RARB: variants seen among roughly 807,000 people sequenced by gnomAD.
The protein encoded by RARB is retinoic acid receptor beta, also known as HBV-activated protein.
RARB carries 17 observed loss-of-function variants against 51.9 expected under a neutral mutation model. That is an observed-to-expected ratio of 0.33 (90% CI 0.22 to 0.49). The LOEUF is 0.49. Among genes scored for constraint, RARB ranks in the 20% least tolerant of loss-of-function variants. RARB has a pLI of 0.99. For synonymous variants in RARB, 215 were observed against 195.4 expected, an observed-to-expected ratio of 1.10 and a Z score of -0.84; for missense variants, 369 against 550.8, an observed-to-expected ratio of 0.67 and a Z score of 3.30.
In RARB at chr3:25,125,993, A is replaced by AC. The variant is rs1437458923; in HGVS notation, c.-327-6167dup. Among the ~76,000 whole-genome samples the AC allele has an allele frequency of 2.6e-5, 4 of 152,232 alleles. No homozygotes were observed. The East Asian group carries it at 5.8e-4, about 22-fold the overall frequency. On this transcript the variant is annotated intron_variant, in intron 3 of 11. Transcript: ENST00000383772. The stretch of plus-strand genomic sequence containing the variant: ...GGCCTTCACAGTGAGGTTCCCCTGA[A>AC]CTCAAGTAAGAAATTAGCTCTGTAT...
At chr3:25,132,949 A>G (rs1221571858) in intron 4 of RARB, among the ~76,000 whole-genome samples, 1 of 139,946 alleles carries the variant, frequency 7.1e-6, no homozygotes, top group Non-Finnish European at 1.6e-5. Context: ...GATGCTATCT[A>G]TGCCATGGTA....
At chr3:25,237,601 T>C (rs1431139210) in intron 5 of RARB, among the ~76,000 whole-genome samples, 1 of 152,162 alleles carries the variant, frequency 6.6e-6, no homozygotes, top group Admixed American at 6.5e-5. Context: ...AGTTATATAT[T>C]ATAAAGTTCA....
At chr3:24,936,218 T>G (rs1011548844) in intron 2 of RARB, among the ~76,000 whole-genome samples, 9 of 152,124 alleles carry the variant, frequency 5.9e-5, no homozygotes, top group African/African-American at 2.2e-4. Context: ...ATCATAATTT[T>G]GAGATGTGTG....
At chr3:25,092,378 C>T (rs1553632220) in intron 3 of RARB, among the ~76,000 whole-genome samples, 1 of 151,662 alleles carries the variant, frequency 6.6e-6, no homozygotes, top group Admixed American at 6.6e-5. Flanking sequence ...TAAAACAAAA[C>T]AAAAAAACCT....
At chr3:25,160,135 T>A (rs1700450081) in intron 4 of RARB, among the ~76,000 whole-genome samples, 1 of 152,236 alleles carries the variant, frequency 6.6e-6, no homozygotes, top group South Asian at 2.1e-4. Flanking sequence ...CTCCATCATA[T>A]CTATTTGAAA....
chr3:24,912,908 A>AT (rs1429999134), intron 2 of RARB, among the ~76,000 whole-genome samples: 1 of 147,908 alleles, frequency 6.8e-6, no homozygotes, highest in Non-Finnish European at 1.5e-5. Context: ...CCATACAGGT[A>AT]TGTTGTCTCT....
At chr3:25,042,736 C>T (rs1338370733) in intron 2 of RARB, among the ~76,000 whole-genome samples, 1 of 152,178 alleles carries the variant, frequency 6.6e-6, no homozygotes, top group Non-Finnish European at 1.5e-5. Flanking sequence ...ATGTGAGCTC[C>T]AGCATCCTGT....
chr3:25,411,332 GA>G (rs1453445494), intron 5 of RARB, among the ~76,000 whole-genome samples: 1 of 152,140 alleles, frequency 6.6e-6, no homozygotes, highest in Non-Finnish European at 1.5e-5. Context: ...GTGATTTTAT[GA>G]AATGATAAAA....
At chr3:25,211,472 G>A (rs1701696500) in intron 5 of RARB, among the ~76,000 whole-genome samples, 1 of 152,134 alleles carries the variant, frequency 6.6e-6, no homozygotes, top group Non-Finnish European at 1.5e-5. Flanking sequence ...TATTGCAAAA[G>A]CATTATAGTC....
At chr3:24,952,615 T>A (rs748439754) in intron 2 of RARB, among the ~76,000 whole-genome samples, 3 of 152,146 alleles carry the variant, frequency 2.0e-5, no homozygotes, top group Non-Finnish European at 4.4e-5. Flanking sequence ...TCTAGCTTGG[T>A]GCGTGGCACA....
intron 5 of RARB, among the ~76,000 whole-genome samples, chr3:25,186,438 C>G (rs1700975875): frequency 2.0e-5 from 3 of 152,118 alleles, no homozygotes; most frequent in African/African-American, 7.2e-5. Flanking sequence ...AACAATTTTA[C>G]CTCTATGTAT....
chr3:25,397,035 C>T (rs1344783926), intron 5 of RARB, among the ~76,000 whole-genome samples: 1 of 152,166 alleles, frequency 6.6e-6, no homozygotes, highest in Non-Finnish European at 1.5e-5. Flanking sequence ...CGCATATCTG[C>T]ACTTCCCATT....
At chr3:25,363,927 A>C (rs1023422057) in intron 5 of RARB, among the ~76,000 whole-genome samples, 3 of 151,990 alleles carry the variant, frequency 2.0e-5, no homozygotes, top group African/African-American at 4.8e-5. Context: ...CACTGGCTCA[A>C]ATGTTCTCTC....
At chr3:25,277,401 G>T (rs1012259842) in intron 5 of RARB, among the ~76,000 whole-genome samples, 1 of 152,160 alleles carries the variant, frequency 6.6e-6, no homozygotes, top group African/African-American at 2.4e-5. Context: ...CTGCTCACTT[G>T]CAGAAGTGGA....
chr3:25,191,268 A>G (rs757845744), intron 5 of RARB, among the ~76,000 whole-genome samples: 1 of 152,092 alleles, frequency 6.6e-6, no homozygotes, highest in Non-Finnish European at 1.5e-5. Context: ...TTGTGGGACA[A>G]TATTATTCCC....
At chr3:25,561,599 G>A (rs1015476670) in intron 3 of RARB, among the ~76,000 whole-genome samples, 9 of 151,878 alleles carry the variant, frequency 5.9e-5, no homozygotes, top group African/African-American at 2.2e-4. Flanking sequence ...GAACAACTGG[G>A]CTGTCCTCTT....
rs1167076440 is a variant in RARB at position 25,597,415 on chromosome 3, T to TAA, written c.*806_*807dup. 2.1e-5 allele frequency: 3 copies of TAA among 145,094 alleles called. No individual in the cohort carries two copies. Among genetic ancestry groups the TAA allele is most frequent in the African/African-American group, 7.7e-5 (3 of 38,970 alleles). The allele number at this position is 145,094 out of a possible 1,614,324, so 9.0% of individuals were successfully genotyped here. On this transcript the variant is annotated 3_prime_UTR_variant, in exon 8 of 8. Transcript: ENST00000330688. The stretch of plus-strand genomic sequence containing the variant: ...TTAATGACATAACTACACAGTTAGT[T>TAA]AAAAAAAATTTTTTTACAGTAATGA...
At chr3:24,852,648 C>T (rs1390631531) in intron 1 of RARB, among the ~76,000 whole-genome samples, 1 of 152,062 alleles carries the variant, frequency 6.6e-6, no homozygotes, top group East Asian at 1.9e-4. Flanking sequence ...TATATCTATA[C>T]AATTAATTGT....
intron 2 of RARB, among the ~76,000 whole-genome samples, chr3:24,942,441 A>T (rs201717551): frequency 6.6e-6 from 1 of 152,156 alleles, no homozygotes; most frequent in Non-Finnish European, 1.5e-5. Context: ...ATGCACACAG[A>T]CTCGAGTAAT....
Sources: allele counts gnomAD v4.1 joint callset (sites outside exome capture counted in the v4.1 genomes callset), GRCh38; gene constraint gnomAD v4.1.1; transcripts MANE v1.5; gene names NCBI Gene and HGNC (gene_info 2026-07-23, HGNC 2026-07-21).